Variants in PLP1 observed in about 807,000 individuals in gnomAD.
PLP1 encodes proteolipid protein 1.
Under a neutral mutation model 18.5 loss-of-function variants are expected in PLP1, and 2 were observed. That is an observed-to-expected ratio of 0.11 (90% CI 0.04 to 0.34). PLP1 has a LOEUF of 0.34. Among genes scored for constraint, PLP1 ranks in the 10% least tolerant of loss-of-function variants. The pLI is 1.00. For synonymous variants in PLP1, 86 were observed against 83.2 expected (o/e 1.03, Z -0.19); for missense variants, 105 against 207.3 (o/e 0.51, Z 3.03).
chrX:103,777,904 T>C (rs922416669), intron 1 of PLP1, among the ~76,000 whole-genome samples: 1 of 112,542 alleles, frequency 8.9e-6, no homozygotes, highest in Non-Finnish European at 1.9e-5. Flanking sequence ...CTAAATGAAA[T>C]GAGACTCAGT....
rs2074550476 is a variant in PLP1, at chrX:103,792,240, G to T, written c.*1642G>T. 1 of 112,061 alleles carries T rather than the reference G, an allele frequency of 8.9e-6. No individual in the cohort carries two copies. Among genetic ancestry groups the T allele is most frequent in the South Asian group, 3.7e-4 (1 of 2,690 alleles). 9.2% of individuals were successfully genotyped at this position (112,061 alleles called of 1,213,427 possible). A position where few individuals can be genotyped will look rare whatever the true frequency, so the allele number is the denominator to read the frequency against. On this transcript the variant is annotated 3_prime_UTR_variant, in exon 7 of 7. Coordinates refer to ENST00000621218, the MANE Select transcript of PLP1 (RefSeq NM_000533.5). Reference sequence around the variant, plus strand: ...TGGTTTCAGCAATATTTAAGGAGATGTAAGAGCTTTACAAAAAGACACTTG... The same window carrying T: ...TGGTTTCAGCAATATTTAAGGAGATTTAAGAGCTTTACAAAAAGACACTTG...
chrX:103,778,423 A>G (rs1005034380), intron 1 of PLP1, among the ~76,000 whole-genome samples: 1 of 111,970 alleles, frequency 8.9e-6, no homozygotes, highest in Non-Finnish European at 1.9e-5. Context: ...TGAATGTTGG[A>G]GGAACTCAAT....
rs539157441 is a variant in PLP1, at chrX:103,778,217, G to A, written c.4+1218G>A. ...AACTACTTTGTCTACTTTCAGGGTTGTGAGAATCAAGTAACAATAATGTCA... is the reference window on the plus strand; with the variant it reads ...AACTACTTTGTCTACTTTCAGGGTTATGAGAATCAAGTAACAATAATGTCA... On this transcript the variant is annotated intron_variant, in intron 1 of 6. Coordinates refer to ENST00000621218, the MANE Select transcript of PLP1 (RefSeq NM_000533.5). Among the ~76,000 whole-genome samples the A allele has an allele frequency of 4.4e-5, 5 of 112,571 alleles. No homozygotes were observed. In the South Asian group the frequency reaches 1.8e-3, roughly 42 times the overall value.
At chrX:103,780,435 CTCTCTGTGTGTG>C (rs1347524627) in intron 1 of PLP1, among the ~76,000 whole-genome samples, 5 of 68,334 alleles carry the variant, frequency 7.3e-5, no homozygotes, top group Non-Finnish European at 1.1e-4. Context: ...CATTCTGTCT[CTCTCTGTGTGTG>C]TGTGTGTGTG....
chrX:103,783,800 T>C (rs1014444337), intron 1 of PLP1, among the ~76,000 whole-genome samples: 1 of 111,816 alleles, frequency 8.9e-6, no homozygotes, highest in African/African-American at 3.2e-5. Context: ...GCCTAAGTAA[T>C]TAATACAATT....
At chrX:103,778,595 G>A (rs959247393) in intron 1 of PLP1, among the ~76,000 whole-genome samples, 2 of 111,413 alleles carry the variant, frequency 1.8e-5, no homozygotes, top group Non-Finnish European at 3.8e-5. Context: ...GTGACCACAG[G>A]GACAATTGCC....
Position 103,776,917 on chromosome X carries a change from A to C in PLP1, c.-79A>C. 11 of 922,981 alleles carry C rather than the reference A, an allele frequency of 1.2e-5. No individual in the cohort carries two copies. Among genetic ancestry groups the C allele is most frequent in the Non-Finnish European group, 1.7e-5 (11 of 632,950 alleles). The allele number at this position is 922,981 out of a possible 1,213,427, so 76.1% of individuals were successfully genotyped here. A position where few individuals can be genotyped will look rare whatever the true frequency, so the allele number is the denominator to read the frequency against. On this transcript the variant is annotated 5_prime_UTR_variant, in exon 1 of 7. Transcript: ENST00000621218. Reference sequence around the variant, plus strand: ...ACCGAAGAAGGAGGCTGGAGAGACCAGGATCCTTCCAGCTGAACAAAGTCA... The same window carrying C: ...ACCGAAGAAGGAGGCTGGAGAGACCCGGATCCTTCCAGCTGAACAAAGTCA...
chrX:103,786,600 C>T lies in PLP1; in HGVS notation c.327C>T (p.Cys109=), dbSNP rs1176692360. 8.3e-7 allele frequency: 1 copy of T among 1,211,566 alleles called. No homozygotes were observed. Among genetic ancestry groups the T allele is most frequent in the South Asian group, 1.8e-5 (1 of 56,978 alleles). ...QIFGDYKTTI[C]GKGLSATVTG... The stretch of plus-strand genomic sequence containing the variant: ...TTGGCGACTACAAGACCACCATCTG[C>T]GGCAAGGGCCTGAGCGCAACGGTAA... Residue 109 remains cysteine, a synonymous_variant, in exon 3 of 7, where the codon TGC becomes TGT. Transcript: ENST00000621218.
chrX:103,789,241 T>A (rs1410637857), intron 5 of PLP1, 92 bp from the exon 6 acceptor site: 2 of 689,912 alleles, frequency 2.9e-6, no homozygotes, highest in African/African-American at 4.2e-5. Context: ...AAGAAAGATA[T>A]CAACACATTC....
chrX:103,781,309 T>C, intron 1 of PLP1: 2 of 327,638 alleles, frequency 6.1e-6, no homozygotes, highest in Admixed American at 3.1e-5. Flanking sequence ...TGGATCTGTG[T>C]AAGTCACATT....
intron 6 of PLP1, among the ~76,000 whole-genome samples, chrX:103,790,084 C>A (rs1390465584): frequency 8.9e-6 from 1 of 112,213 alleles, no homozygotes; most frequent in African/African-American, 3.2e-5. Context: ...GGTTTCCATA[C>A]AGAGTCAAGT....
chrX:103,786,375 C>A, intron 2 of PLP1, 90 bp from the exon 3 acceptor site: 1 of 1,075,323 alleles, frequency 9.3e-7, no homozygotes. Flanking sequence ...AAGGTGCTCG[C>A]TCTGGTGTAT....
At chrX:103,782,746 C>T (rs777789140) in intron 1 of PLP1, among the ~76,000 whole-genome samples, 2 of 110,589 alleles carry the variant, frequency 1.8e-5, no homozygotes, top group Admixed American at 1.9e-4. Context: ...CTCTTCTTAC[C>T]CTCGGCTAAA....
At chrX:103,784,665 C>T (rs1159200149) in intron 1 of PLP1, among the ~76,000 whole-genome samples, 1 of 112,208 alleles carries the variant, frequency 8.9e-6, no homozygotes, top group Non-Finnish European at 1.9e-5. Context: ...TGCTAAAATC[C>T]TGTCTGACAA....
chrX:103,786,165 C>A, intron 2 of PLP1: 17 of 1,115,487 alleles, frequency 1.5e-5, no homozygotes, highest in Non-Finnish European at 1.7e-5. Context: ...TAGCTCCCTA[C>A]TCCTGTGAGT....
chrX:103,782,475 A>T (rs1008362278), intron 1 of PLP1, among the ~76,000 whole-genome samples: 5 of 112,095 alleles, frequency 4.5e-5, no homozygotes, highest in Admixed American at 3.8e-4. Context: ...TTTATCACCC[A>T]GTAAGAACAC....
Position 103,788,325 on chromosome X carries a change from C to T in PLP1, c.623-112C>T, listed in dbSNP as rs1364372565. 6.4e-6 allele frequency: 4 copies of T among 623,711 alleles called. No homozygotes were observed. In the African/African-American group the frequency reaches 8.7e-5, roughly 14 times the overall value. 51.4% of individuals were successfully genotyped at this position (623,711 alleles called of 1,213,427 possible). ...GAGGATCCTGATTGTTGGTAGAATC[C>T]AACTTTACAGCCAGGATAATTAGAG... is the stretch of plus-strand genomic sequence containing the variant. On this transcript the variant is annotated intron_variant, in intron 4 of 6. Coordinates refer to ENST00000621218, the MANE Select transcript of PLP1 (RefSeq NM_000533.5).
At chrX:103,788,765 G>T in intron 5 of PLP1, 1 of 391,562 alleles carries the variant, frequency 2.6e-6, no homozygotes, top group Non-Finnish European at 4.4e-6. Context: ...GTAGCTTTAG[G>T]TAAAGATAGA....
chrX:103,791,938 G>T lies in PLP1; in HGVS notation c.*1340G>T, dbSNP rs1199476919. 8 of 111,828 alleles carry T rather than the reference G, an allele frequency of 7.2e-5. No homozygotes were observed. Among genetic ancestry groups the T allele is most frequent in the Non-Finnish European group, 1.3e-4 (7 of 53,140 alleles). The allele number at this position is 111,828 out of a possible 1,213,427, so 9.2% of individuals were successfully genotyped here. On this transcript the variant is annotated 3_prime_UTR_variant, in exon 7 of 7. Transcript: ENST00000621218. ...GATTTTACTTAGCAATGTTATCTTGGTGTGTTAAGAGTTAGGTTTAACATA... is the reference window on the plus strand; with the variant it reads ...GATTTTACTTAGCAATGTTATCTTGTTGTGTTAAGAGTTAGGTTTAACATA...
Sources: gnomAD v4.1 joint callset for allele counts (sites outside exome capture counted in the v4.1 genomes callset) on GRCh38, gnomAD v4.1.1 for gene constraint, MANE v1.5 for transcripts, NCBI Gene and HGNC (gene_info 2026-07-23, HGNC 2026-07-21) for gene names.